The following SEMA3A variants were observed in gnomAD, a reference collection of about 807,000 sequenced individuals.
SEMA3A encodes the protein semaphorin-3A.
A neutral mutation model predicts 97.9 loss-of-function variants in SEMA3A; 29 were observed. The observed-to-expected ratio is 0.30, with a 90% CI of 0.22 to 0.40. The LOEUF is 0.40. Among genes scored for constraint, SEMA3A ranks in the 10% least tolerant of loss-of-function variants. The probability of loss-of-function intolerance (pLI) is 1.00; values close to 1 mark genes in which losing one functional copy is unlikely to be tolerated. For synonymous variants in SEMA3A, 321 were observed against 323.7 expected, an observed-to-expected ratio of 0.99 and a Z score of 0.09; for missense variants, 763 against 951.3, an observed-to-expected ratio of 0.80 and a Z score of 2.60.
At chr7:84,326,024 T>C (rs1801767616) in intron 2 of SEMA3A, among the ~76,000 whole-genome samples, 1 of 152,134 alleles carries the variant, frequency 6.6e-6, no homozygotes, top group African/African-American at 2.4e-5. Context: ...CTGTCAGGCT[T>C]ATTTCACTTA....
chr7:84,332,873 A>C (rs1346648866), intron 2 of SEMA3A, among the ~76,000 whole-genome samples: 1 of 152,128 alleles, frequency 6.6e-6, no homozygotes, highest in African/African-American at 2.4e-5. Flanking sequence ...CTCCCTACAT[A>C]CATATTATCA....
intron 1 of SEMA3A, among the ~76,000 whole-genome samples, chr7:84,430,187 C>A (rs1232941406): frequency 6.6e-6 from 1 of 151,798 alleles, no homozygotes; most frequent in Non-Finnish European, 1.5e-5. Context: ...TAATAATATT[C>A]TCTCAGTGTA....
chr7:84,446,803 C>T (rs780733161), intron 1 of SEMA3A, among the ~76,000 whole-genome samples: 9 of 152,144 alleles, frequency 5.9e-5, no homozygotes, highest in Non-Finnish European at 1.3e-4. Context: ...GCAGCTGCTG[C>T]AAGGATGCCA....
At chr7:84,374,068 G>A (rs1292207836) in intron 1 of SEMA3A, among the ~76,000 whole-genome samples, 4 of 152,150 alleles carry the variant, frequency 2.6e-5, no homozygotes, top group African/African-American at 7.2e-5. Context: ...GAGAGGAATG[G>A]ATTTCAGGCA....
chr7:84,092,660 CA>C (rs1794636617), intron 4 of SEMA3A, among the ~76,000 whole-genome samples: 1 of 152,064 alleles, frequency 6.6e-6, no homozygotes, highest in Non-Finnish European at 1.5e-5. Context: ...TAAAAGTTAA[CA>C]GATACTATTA....
At chr7:84,294,579 A>T (rs1420155570) in intron 3 of SEMA3A, among the ~76,000 whole-genome samples, 1 of 152,066 alleles carries the variant, frequency 6.6e-6, no homozygotes, top group East Asian at 1.9e-4. Context: ...TTAGCACTTA[A>T]CATATTTCAT....
intron 2 of SEMA3A, among the ~76,000 whole-genome samples, chr7:84,335,673 A>G (rs920212677): frequency 1.3e-5 from 2 of 152,152 alleles, no homozygotes; most frequent in African/African-American, 2.4e-5. Context: ...GAATGAACGT[A>G]TGACCTTAGA....
intron 2 of SEMA3A, among the ~76,000 whole-genome samples, chr7:84,347,825 G>T (rs193075385): frequency 1.3e-5 from 2 of 152,228 alleles, no homozygotes. Context: ...GCAGATGAGT[G>T]GCGAGCAGTA....
intron 5 of SEMA3A, among the ~76,000 whole-genome samples, chr7:84,053,064 T>C (rs1383789967): frequency 2.0e-5 from 3 of 147,436 alleles, no homozygotes; most frequent in Non-Finnish European, 4.5e-5. Context: ...TTGATTGCAC[T>C]GTGGTCTGAG....
intron 2 of SEMA3A, among the ~76,000 whole-genome samples, chr7:84,317,701 C>A (rs1273349359): frequency 6.6e-6 from 1 of 152,080 alleles, no homozygotes; most frequent in South Asian, 2.1e-4. Flanking sequence ...CAACATATTT[C>A]ATCAGCTATT....
At chr7:84,459,759 G>T (rs1249410287) in intron 1 of SEMA3A, among the ~76,000 whole-genome samples, 3 of 152,142 alleles carry the variant, frequency 2.0e-5, no homozygotes, top group Non-Finnish European at 4.4e-5. Context: ...AGAGCTTGGT[G>T]GCTCACACCT....
At chr7:84,162,537 C>A (rs950167213) in intron 1 of SEMA3A, among the ~76,000 whole-genome samples, 1 of 151,868 alleles carries the variant, frequency 6.6e-6, no homozygotes. Context: ...GACTCTGATT[C>A]TAAGTACAGC....
chr7:84,334,094 A>G (rs531076686), intron 2 of SEMA3A, among the ~76,000 whole-genome samples: 24 of 152,292 alleles, frequency 1.6e-4, no homozygotes, highest in African/African-American at 4.3e-4. Context: ...CTAAAATGCA[A>G]TAAGTCATCA....
At chr7:84,008,221 G>T (rs1790743108) in intron 9 of SEMA3A, among the ~76,000 whole-genome samples, 1 of 152,194 alleles carries the variant, frequency 6.6e-6, no homozygotes, top group South Asian at 2.1e-4. Context: ...GCAGGGCGCG[G>T]TGGCTCAAGC....
chr7:84,106,348 G>A (rs1230308898), intron 4 of SEMA3A, among the ~76,000 whole-genome samples: 1 of 152,078 alleles, frequency 6.6e-6, no homozygotes, highest in Non-Finnish European at 1.5e-5. Context: ...ACAATATTCA[G>A]TACAGTAACA....
At chr7:83,992,755 G>A (rs1233414071) in intron 12 of SEMA3A, among the ~76,000 whole-genome samples, 1 of 151,958 alleles carries the variant, frequency 6.6e-6, no homozygotes, top group Non-Finnish European at 1.5e-5. Context: ...GGTCAATTTT[G>A]GAATAGATGT....
At chr7:84,348,996 C>A (rs953243475) in intron 2 of SEMA3A, among the ~76,000 whole-genome samples, 5 of 151,834 alleles carry the variant, frequency 3.3e-5, no homozygotes, top group Non-Finnish European at 7.4e-5. Context: ...AAAAAAAGTT[C>A]TATATTTTTA....
At chr7:84,227,598 T>A (rs947780091) in intron 3 of SEMA3A, among the ~76,000 whole-genome samples, 13 of 152,064 alleles carry the variant, frequency 8.5e-5, no homozygotes, top group Non-Finnish European at 1.6e-4. Flanking sequence ...GCCATGAGTG[T>A]TTTCCCAATA....
intron 5 of SEMA3A, among the ~76,000 whole-genome samples, chr7:84,048,809 GCTTT>G (rs1792469919): frequency 6.6e-6 from 1 of 151,894 alleles, no homozygotes; most frequent in Non-Finnish European, 1.5e-5. Flanking sequence ...TTATCATTTA[GCTTT>G]CTTTAGGGTA....
Sources: allele counts gnomAD v4.1 joint callset (sites outside exome capture counted in the v4.1 genomes callset), GRCh38; gene constraint gnomAD v4.1.1; transcripts MANE v1.5; gene names NCBI Gene and HGNC (gene_info 2026-07-23, HGNC 2026-07-21).